The following DNAJC1 variants were observed in gnomAD, a reference collection of about 807,000 sequenced individuals.
DNAJC1 encodes the protein DnaJ heat shock protein family (Hsp40) member C1.
A neutral mutation model predicts 76.6 loss-of-function variants in DNAJC1; 58 were observed. The ratio of observed to expected loss-of-function variants is 0.76; its 90% confidence interval spans 0.61 to 0.94. The LOEUF is 0.94. DNAJC1 is among the 40% of genes least tolerant of loss of function. The probability of loss-of-function intolerance (pLI) is 0.00; values close to 1 mark genes in which losing one functional copy is unlikely to be tolerated. For missense variants in DNAJC1, 689 were observed against 677.3 expected (o/e 1.02, Z -0.19); for synonymous variants, 258 against 267.9 (o/e 0.96, Z 0.36).
chr10:21,973,742 A>AAG (rs1554902068), intron 1 of DNAJC1, among the ~76,000 whole-genome samples: 1 of 84,048 alleles, frequency 1.2e-5, no homozygotes, highest in African/African-American at 3.4e-5. Context: ...CTACTTAAAA[A>AAG]AAAAAAAGAA....
Position 21,777,751 on chromosome 10 carries a change from G to C in DNAJC1, c.1099-11442C>G, listed in dbSNP as rs1293264892. ...TCTAGGCCTGGACTGACATTAACTAGTTTTTGGGCCTACTTTATCTCTTTT... is the reference window on the plus strand; with the variant it reads ...TCTAGGCCTGGACTGACATTAACTACTTTTTGGGCCTACTTTATCTCTTTT... On this transcript the variant is annotated intron_variant, in intron 9 of 11. Transcript: ENST00000376980. 3.9e-5 allele frequency among the ~76,000 whole-genome samples: 6 copies of C among 152,328 alleles called. No individual in the cohort carries two copies. The East Asian group carries it at 1.2e-3, about 29-fold the overall frequency.
In DNAJC1 at chr10:21,836,716, CAA is replaced by C. The variant is rs1375288201; in HGVS notation, c.979-30619_979-30618del. Among the ~76,000 whole-genome samples, 8 of 152,114 alleles carry C rather than the reference CAA, an allele frequency of 5.3e-5. No homozygotes were observed. In the East Asian group the frequency reaches 1.5e-3, roughly 29 times the overall value. On this transcript the variant is annotated intron_variant, in intron 8 of 11. Transcript: ENST00000376980. ...AAACAGACTTTAAACCAACAAAGATCAAAAGAGACAAAGAAGGCCATTACATA... is the reference window on the plus strand; with the variant it reads ...AAACAGACTTTAAACCAACAAAGATCAAGAGACAAAGAAGGCCATTACATA...
intron 9 of DNAJC1, among the ~76,000 whole-genome samples, chr10:21,784,578 C>G (rs1023621103): frequency 6.6e-6 from 1 of 152,140 alleles, no homozygotes. Flanking sequence ...ATAAATCATG[C>G]TGCTATAAAG....
At chr10:21,949,532 T>C (rs183733007) in intron 1 of DNAJC1, among the ~76,000 whole-genome samples, 1 of 151,352 alleles carries the variant, frequency 6.6e-6, no homozygotes, top group African/African-American at 2.4e-5. Context: ...TTCTTGTGTT[T>C]CAGCCTCCCA....
At position 21,936,317 on chromosome 10, in the gene DNAJC1, G is replaced by C. The variant is rs889479691; in HGVS notation, c.223-7176C>G. ...CTAGAACCGTGAGCAACAAATTTCT[G>C]TTGTTTATAAATTACCCAGCATAAA... On this transcript the variant is annotated intron_variant, in intron 1 of 11. Transcript: ENST00000376980. Among the ~76,000 whole-genome samples the C allele has an allele frequency of 3.9e-5, 6 of 152,262 alleles. No homozygotes were observed. In the South Asian group the frequency reaches 1.2e-3, roughly 32 times the overall value.
At chr10:21,937,834 T>A (rs139033849) in intron 1 of DNAJC1, among the ~76,000 whole-genome samples, 54 of 152,234 alleles carry the variant, frequency 3.5e-4, no homozygotes, top group Admixed American at 1.4e-3. Context: ...TTCACACGTA[T>A]GTGGAAATTA....
chr10:21,760,722 C>T (rs1834230990), intron 10 of DNAJC1, among the ~76,000 whole-genome samples: 1 of 152,184 alleles, frequency 6.6e-6, no homozygotes, highest in South Asian at 2.1e-4. Context: ...TGGCAAGTGG[C>T]TACCATATTA....
At chr10:21,940,442 GT>G (rs1307560302) in intron 1 of DNAJC1, among the ~76,000 whole-genome samples, 1 of 152,178 alleles carries the variant, frequency 6.6e-6, no homozygotes, top group East Asian at 1.9e-4. Context: ...CAGTGATAAG[GT>G]TAATCTATAC....
At chr10:21,813,244 A>ATGCATG (rs1429581567) in intron 8 of DNAJC1, among the ~76,000 whole-genome samples, 2 of 122,948 alleles carry the variant, frequency 1.6e-5, no homozygotes, top group African/African-American at 8.1e-5. Context: ...ATATATATAT[A>ATGCATG]CACATACAGC....
chr10:21,976,368 G>A (rs1838062224), intron 1 of DNAJC1, among the ~76,000 whole-genome samples: 1 of 152,152 alleles, frequency 6.6e-6, no homozygotes. Context: ...AATAATAAAA[G>A]CATGTGATTG....
chr10:21,860,694 AAAACAAACAAAC>A (rs143159403), intron 8 of DNAJC1: 2,475 of 159,446 alleles, frequency 0.016, 29 homozygotes, highest in African/African-American at 0.035. Context: ...ACTCTGTCTC[AAAACAAACAAAC>A]AAACAAACAA....
At chr10:21,906,268 A>G (rs981350517) in intron 6 of DNAJC1, among the ~76,000 whole-genome samples, 2 of 152,258 alleles carry the variant, frequency 1.3e-5, no homozygotes, top group Admixed American at 6.5e-5. Flanking sequence ...TGGCCATGCA[A>G]CCAACTTACT....
intron 8 of DNAJC1, among the ~76,000 whole-genome samples, chr10:21,873,253 C>T (rs1249577641): frequency 6.6e-6 from 1 of 152,184 alleles, no homozygotes; most frequent in African/African-American, 2.4e-5. Context: ...AAGCCCTCTC[C>T]TTCTACAACT....
intron 8 of DNAJC1, among the ~76,000 whole-genome samples, chr10:21,825,145 A>C (rs1452298484): frequency 6.6e-6 from 1 of 152,216 alleles, no homozygotes; most frequent in Admixed American, 6.5e-5. Flanking sequence ...ATTGTTGTAC[A>C]AGCCATCACC....
At chr10:21,973,283 C>A (rs892140173) in intron 1 of DNAJC1, among the ~76,000 whole-genome samples, 1 of 152,132 alleles carries the variant, frequency 6.6e-6, no homozygotes, top group Non-Finnish European at 1.5e-5. Flanking sequence ...ATGAATGAAA[C>A]TGACAGTTAT....
At chr10:21,871,814 T>C (rs1836109107) in intron 8 of DNAJC1, among the ~76,000 whole-genome samples, 1 of 151,754 alleles carries the variant, frequency 6.6e-6, no homozygotes, top group African/African-American at 2.4e-5. Flanking sequence ...TTTGTATTTT[T>C]AGTAGAGAGA....
At chr10:21,996,253 C>T (rs577912784) in intron 1 of DNAJC1, among the ~76,000 whole-genome samples, 12 of 152,054 alleles carry the variant, frequency 7.9e-5, no homozygotes, top group Non-Finnish European at 1.5e-4. Context: ...CCCAATAATG[C>T]CCACAGTGGA....
At chr10:21,940,514 A>G (rs979677032) in intron 1 of DNAJC1, among the ~76,000 whole-genome samples, 4 of 152,220 alleles carry the variant, frequency 2.6e-5, no homozygotes, top group African/African-American at 9.6e-5. Context: ...GTCAATAAGA[A>G]TGATTTCTTG....
At chr10:21,870,850 G>C (rs968250774) in intron 8 of DNAJC1, among the ~76,000 whole-genome samples, 1 of 152,028 alleles carries the variant, frequency 6.6e-6, no homozygotes, top group Non-Finnish European at 1.5e-5. Context: ...TATGATTTTT[G>C]ATCAGAACAG....
Sources: allele counts gnomAD v4.1 joint callset (sites outside exome capture counted in the v4.1 genomes callset), GRCh38; gene constraint gnomAD v4.1.1; transcripts MANE v1.5; gene names NCBI Gene and HGNC (gene_info 2026-07-23, HGNC 2026-07-21).